Variants in CNTNAP2 observed in about 807,000 individuals in gnomAD.
The protein encoded by CNTNAP2 is contactin-associated protein-like 2.
A neutral mutation model predicts 155.2 loss-of-function variants in CNTNAP2; 98 were observed. The observed-to-expected ratio is 0.63, with a 90% CI of 0.54 to 0.75. CNTNAP2 has a LOEUF of 0.75. CNTNAP2 is among the 30% of genes least tolerant of loss of function. The probability of loss-of-function intolerance (pLI) is 0.00; values close to 1 mark genes in which losing one functional copy is unlikely to be tolerated. For synonymous variants in CNTNAP2, 651 were observed against 631.2 expected, an observed-to-expected ratio of 1.03 and a Z score of -0.47; for missense variants, 1,727 against 1,688.1, an observed-to-expected ratio of 1.02 and a Z score of -0.40.
Position 147,227,965 on chromosome 7 carries a change from C to T in CNTNAP2, c.1349-72176C>T, listed in dbSNP as rs73740602. 1.3e-3 allele frequency among the ~76,000 whole-genome samples: 195 copies of T among 152,136 alleles called. 1 individual carries two copies. The highest frequency in any genetic ancestry group is 4.1e-3 in the African/African-American group (172 of 41,498). ...TCTTCATTTGCACTCTAATATTAAT[C>T]GGTTGGTGAGAGAGGAAGAAGCAGA... On this transcript the variant is annotated intron_variant, in intron 8 of 23. Transcript: ENST00000361727.
chr7:146,697,222 C>T (rs1800796329), intron 1 of CNTNAP2, among the ~76,000 whole-genome samples: 1 of 150,932 alleles, frequency 6.6e-6, no homozygotes, highest in African/African-American at 2.5e-5. Flanking sequence ...AGAGTTAATA[C>T]CTTTTTAAAT....
intron 9 of CNTNAP2, among the ~76,000 whole-genome samples, chr7:147,375,779 T>C (rs1298055998): frequency 6.6e-6 from 1 of 152,200 alleles, no homozygotes; most frequent in Non-Finnish European, 1.5e-5. Flanking sequence ...ACCCAACAGT[T>C]GTACTCATAT....
intron 8 of CNTNAP2, among the ~76,000 whole-genome samples, chr7:147,297,140 G>A (rs529312100): frequency 2.0e-5 from 3 of 152,092 alleles, no homozygotes; most frequent in African/African-American, 4.8e-5. Context: ...GCACATTACC[G>A]TGTAGAGCTG....
In CNTNAP2 at chr7:148,177,336, A is replaced by G. The variant is rs533665970; in HGVS notation, c.3010+4858A>G. Among the ~76,000 whole-genome samples the G allele has an allele frequency of 2.0e-5, 3 of 152,302 alleles. No homozygotes were observed. In the South Asian group the frequency reaches 6.2e-4, roughly 32 times the overall value. The stretch of plus-strand genomic sequence containing the variant: ...CAGAGGTACTGACAGACATAGAAGG[A>G]AAGCCATGTGAAGACGGAGGCAGAG... On this transcript the variant is annotated intron_variant, in intron 18 of 23. Coordinates refer to ENST00000361727, the MANE Select transcript of CNTNAP2 (RefSeq NM_014141.6).
At chr7:147,952,446 T>C (rs1000839989) in intron 14 of CNTNAP2, among the ~76,000 whole-genome samples, 3 of 151,848 alleles carry the variant, frequency 2.0e-5, no homozygotes, top group Non-Finnish European at 4.4e-5. Flanking sequence ...CTGTCTCAAA[T>C]AATAATAACA....
intron 15 of CNTNAP2, among the ~76,000 whole-genome samples, chr7:148,064,083 G>T (rs918698443): frequency 3.9e-5 from 6 of 151,994 alleles, no homozygotes; most frequent in Non-Finnish European, 7.4e-5. Flanking sequence ...TGTTCCATTG[G>T]TCTGTATACC....
At chr7:147,362,021 G>A (rs1796155884) in intron 9 of CNTNAP2, among the ~76,000 whole-genome samples, 1 of 152,180 alleles carries the variant, frequency 6.6e-6, no homozygotes, top group South Asian at 2.1e-4. Context: ...CTGGAACAGT[G>A]GGCCTGAGCC....
intron 21 of CNTNAP2, among the ~76,000 whole-genome samples, chr7:148,288,302 T>C (rs981449485): frequency 6.6e-6 from 1 of 151,784 alleles, no homozygotes; most frequent in East Asian, 1.9e-4. Context: ...GGTTTCACTA[T>C]GTTGGCCAAG....
intron 8 of CNTNAP2, among the ~76,000 whole-genome samples, chr7:147,275,868 T>C (rs1244496957): frequency 1.3e-5 from 2 of 152,086 alleles, no homozygotes; most frequent in African/African-American, 4.8e-5. Context: ...AGAGTTGTTA[T>C]CATAAAGGCA....
intron 20 of CNTNAP2, among the ~76,000 whole-genome samples, chr7:148,242,264 T>A (rs527604109): frequency 1.3e-5 from 2 of 152,310 alleles, no homozygotes; most frequent in East Asian, 1.9e-4. Context: ...CCCAGGTAAC[T>A]GAAGCAGGTT....
At chr7:146,900,597 A>G (rs1481466855) in intron 3 of CNTNAP2, among the ~76,000 whole-genome samples, 2 of 152,024 alleles carry the variant, frequency 1.3e-5, no homozygotes, top group Non-Finnish European at 2.9e-5. Context: ...CACTATTTCT[A>G]TTCCCACTTC....
At chr7:147,272,230 T>G (rs1804768465) in intron 8 of CNTNAP2, among the ~76,000 whole-genome samples, 2 of 152,134 alleles carry the variant, frequency 1.3e-5, no homozygotes, top group Non-Finnish European at 2.9e-5. Context: ...TAGAATCTTG[T>G]AACCCTTCTC....
chr7:147,475,409 T>C (rs528720393), intron 10 of CNTNAP2, among the ~76,000 whole-genome samples: 11 of 152,212 alleles, frequency 7.2e-5, no homozygotes, highest in Non-Finnish European at 1.6e-4. Flanking sequence ...TAATTTGGGC[T>C]GCTTTGATTA....
At chr7:147,042,146 A>G (rs750367061) in intron 3 of CNTNAP2, among the ~76,000 whole-genome samples, 7 of 152,322 alleles carry the variant, frequency 4.6e-5, no homozygotes, top group Admixed American at 1.3e-4. Flanking sequence ...ATACTGCTCA[A>G]ATAGTTTTGT....
At chr7:146,262,044 C>T (rs1009687844) in intron 1 of CNTNAP2, among the ~76,000 whole-genome samples, 3 of 152,112 alleles carry the variant, frequency 2.0e-5, no homozygotes, top group Admixed American at 6.6e-5. Flanking sequence ...GCTTGGAAAG[C>T]GTGAAGGACC....
chr7:146,709,990 C>T (rs1181512584), intron 1 of CNTNAP2, among the ~76,000 whole-genome samples: 1 of 152,064 alleles, frequency 6.6e-6, no homozygotes, highest in Non-Finnish European at 1.5e-5. Context: ...CGATTAGGAG[C>T]TTAGAAGAAT....
At chr7:147,100,431 T>C (rs1800630395) in intron 4 of CNTNAP2, among the ~76,000 whole-genome samples, 1 of 152,216 alleles carries the variant, frequency 6.6e-6, no homozygotes, top group Non-Finnish European at 1.5e-5. Flanking sequence ...CAATGACTGC[T>C]CTAAAAGGTG....
intron 18 of CNTNAP2, among the ~76,000 whole-genome samples, chr7:148,176,156 A>C (rs1163062180): frequency 6.6e-6 from 1 of 151,236 alleles, no homozygotes; most frequent in African/African-American, 2.4e-5. Context: ...ACCACACAAG[A>C]AGGGGACTTC....
At chr7:147,951,375 C>A (rs1800927644) in intron 14 of CNTNAP2, among the ~76,000 whole-genome samples, 1 of 151,992 alleles carries the variant, frequency 6.6e-6, no homozygotes, top group Admixed American at 6.6e-5. Flanking sequence ...AGAGAAGATT[C>A]ATGACTGACC....
Sources: gnomAD v4.1 joint callset for allele counts (sites outside exome capture counted in the v4.1 genomes callset) on GRCh38, gnomAD v4.1.1 for gene constraint, MANE v1.5 for transcripts, NCBI Gene and HGNC (gene_info 2026-07-23, HGNC 2026-07-21) for gene names.